Variants in MCC observed in about 807,000 individuals in gnomAD.
The protein encoded by MCC is colorectal mutant cancer protein.
A neutral mutation model predicts 116.2 loss-of-function variants in MCC; 90 were observed. The ratio of observed to expected loss-of-function variants is 0.77; its 90% CI spans 0.65 to 0.92. MCC has a LOEUF of 0.92. Among genes scored for constraint, MCC ranks in the 40% least tolerant of loss-of-function variants. The pLI, the probability that MCC is intolerant of heterozygous loss-of-function variation, is 0.00. For synonymous variants in MCC, 578 were observed against 510.5 expected (o/e 1.13, Z -1.78); for missense variants, 1,516 against 1,312.2 (o/e 1.16, Z -2.40).
At chr5:113,225,398 T>G (rs570861045) in intron 3 of MCC, among the ~76,000 whole-genome samples, 3 of 152,226 alleles carry the variant, frequency 2.0e-5, no homozygotes, top group Non-Finnish European at 4.4e-5. Flanking sequence ...AGTGTCAAGA[T>G]TCTCTTCTTC....
chr5:113,109,230 C>G (rs922917644), intron 6 of MCC, among the ~76,000 whole-genome samples: 28 of 152,158 alleles, frequency 1.8e-4, no homozygotes, highest in African/African-American at 6.8e-4. Context: ...TTCATAGCAG[C>G]ATTATTCACA....
intron 1 of MCC, among the ~76,000 whole-genome samples, chr5:113,485,318 T>TG (rs1370793143): frequency 1.3e-5 from 2 of 152,102 alleles, no homozygotes; most frequent in African/African-American, 4.8e-5. Context: ...TATCATGGGA[T>TG]GGGGGGTTTA....
intron 2 of MCC, among the ~76,000 whole-genome samples, chr5:113,372,242 C>A (rs188944906): frequency 2.0e-5 from 3 of 152,210 alleles, no homozygotes; most frequent in Non-Finnish European, 4.4e-5. Context: ...GTGATTAATG[C>A]CATTAAGAAG....
intron 3 of MCC, among the ~76,000 whole-genome samples, chr5:113,202,274 T>C (rs1581246660): frequency 6.6e-6 from 1 of 152,184 alleles, no homozygotes; most frequent in East Asian, 1.9e-4. Flanking sequence ...CCCGGGGTTG[T>C]GCTGGAGTGC....
At chr5:113,048,273 C>T (rs1224406975) in intron 16 of MCC, among the ~76,000 whole-genome samples, 1 of 152,158 alleles carries the variant, frequency 6.6e-6, no homozygotes, top group Admixed American at 6.6e-5. Flanking sequence ...CAACCATGGT[C>T]TGAAAATATT....
Position 113,391,302 on chromosome 5 carries a change from C to T in MCC, c.171-6090G>A, listed in dbSNP as rs944369811. ...GGGGAGCTGCTGGGTGGTACTAAAA[C>T]GCTGAAGGTTCTGGGTTTATAGCCA... On this transcript the variant is annotated intron_variant, in intron 1 of 18. Coordinates refer to ENST00000408903, the MANE Select transcript of MCC (RefSeq NM_001085377.2). Among the ~76,000 whole-genome samples the T allele has an allele frequency of 5.9e-5, 9 of 152,060 alleles. No homozygotes were observed. In the East Asian group the frequency reaches 1.2e-3, roughly 20 times the overall value.
intron 3 of MCC, among the ~76,000 whole-genome samples, chr5:113,282,071 C>T (rs946609480): frequency 2.0e-5 from 3 of 152,230 alleles, no homozygotes; most frequent in Non-Finnish European, 4.4e-5. Flanking sequence ...GAATGTGCAG[C>T]CCAGAAAAGC....
intron 1 of MCC, among the ~76,000 whole-genome samples, chr5:113,424,872 G>A (rs1770441866): frequency 6.6e-6 from 1 of 151,006 alleles, no homozygotes; most frequent in Non-Finnish European, 1.5e-5. Flanking sequence ...AATGCTAGGA[G>A]TGAAAAAAAA....
chr5:113,367,829 C>T (rs1581431509), intron 2 of MCC, among the ~76,000 whole-genome samples: 1 of 152,174 alleles, frequency 6.6e-6, no homozygotes, highest in South Asian at 2.1e-4. Flanking sequence ...TAATGGGCCA[C>T]CTGGTGGTCT....
At chr5:113,369,079 G>A (rs939845828) in intron 2 of MCC, among the ~76,000 whole-genome samples, 8 of 152,100 alleles carry the variant, frequency 5.3e-5, no homozygotes, top group African/African-American at 1.9e-4. Context: ...TCCATGCCCT[G>A]TGTTCAGCTA....
chr5:113,038,679 A>T (rs1244120934), intron 17 of MCC, among the ~76,000 whole-genome samples: 1 of 152,060 alleles, frequency 6.6e-6, no homozygotes, highest in East Asian at 1.9e-4. Context: ...GAGCAGTCTC[A>T]CGGCAGGTGT....
In MCC at chr5:113,053,764, C is replaced by T; in HGVS notation, c.2409G>A (p.Leu803=). The T allele has an allele frequency of 6.2e-7, 1 of 1,613,330 alleles. No homozygotes were observed. The highest frequency in any genetic ancestry group is 8.5e-7 in the Non-Finnish European group (1 of 1,179,330). ...KPRGDSQRLD[L]ENAVLMQELM... ...GCTCCTGCATAAGCACTGCGTTTTC[C>T]AGATCCAGCCTCTGGCTGTCTCCCC... Residue 803 remains leucine (L), a synonymous_variant, in exon 15 of 19, where the codon CTG becomes CTA. Transcript: ENST00000408903.
intron 1 of MCC, among the ~76,000 whole-genome samples, chr5:113,388,876 G>T (rs1283831681): frequency 6.6e-6 from 1 of 152,122 alleles, no homozygotes; most frequent in Non-Finnish European, 1.5e-5. Context: ...AACCAAATCG[G>T]TCTGATTCTA....
chr5:113,068,714 C>T (rs1361595892), intron 12 of MCC, among the ~76,000 whole-genome samples: 2 of 152,248 alleles, frequency 1.3e-5, no homozygotes, highest in Admixed American at 6.5e-5. Context: ...TCAAGATTCT[C>T]AGGCAGCCCT....
At chr5:113,097,053 C>T (rs980683395) in intron 8 of MCC, among the ~76,000 whole-genome samples, 6 of 152,038 alleles carry the variant, frequency 3.9e-5, no homozygotes, top group African/African-American at 1.4e-4. Context: ...CATCCTCTTC[C>T]TTATCCTGAA....
At chr5:113,242,888 C>G (rs1413654015) in intron 3 of MCC, among the ~76,000 whole-genome samples, 5 of 152,130 alleles carry the variant, frequency 3.3e-5, no homozygotes, top group Admixed American at 6.5e-5. Flanking sequence ...AGGCAAGACC[C>G]GGACAAGCTG....
At chr5:113,334,444 G>A (rs886907517) in intron 3 of MCC, among the ~76,000 whole-genome samples, 4 of 150,948 alleles carry the variant, frequency 2.6e-5, no homozygotes, top group African/African-American at 4.9e-5. Context: ...GGGTTCACGC[G>A]ATCTGCCCAC....
rs747429784 is a variant in MCC at position 113,028,948 on chromosome 5, T to C, written c.2865A>G (p.Leu955=). Residue 955 remains leucine (L), a synonymous_variant, in exon 18 of 19, where the codon CTA becomes CTG. Coordinates refer to ENST00000408903, the MANE Select transcript of MCC (RefSeq NM_001085377.2). ...HQQSAEFVND[L]KRANSNLVAA... ...GAGATTTTTACCTGTTGGCCCGCTT[T>C]AGATCATTCACGAACTCTGCAGATT... The C allele has an allele frequency of 1.2e-5, 19 of 1,613,938 alleles. No homozygotes were observed. The highest frequency in any genetic ancestry group is 8.3e-5 in the Admixed American group (5 of 59,992).
intron 8 of MCC, among the ~76,000 whole-genome samples, chr5:113,087,079 G>A (rs1561796528): frequency 1.3e-5 from 2 of 152,260 alleles, no homozygotes; most frequent in Admixed American, 6.5e-5. Flanking sequence ...CAGCCCTGCC[G>A]CCAAAAGTCT....
Sources: gnomAD v4.1 joint callset for allele counts (sites outside exome capture counted in the v4.1 genomes callset) on GRCh38, gnomAD v4.1.1 for gene constraint, MANE v1.5 for transcripts, NCBI Gene and HGNC (gene_info 2026-07-23, HGNC 2026-07-21) for gene names.